The following PPM1B variants were observed in gnomAD, a reference collection of about 807,000 sequenced individuals.
The protein encoded by PPM1B is protein phosphatase 1B.
Under a neutral mutation model 43.0 loss-of-function variants are expected in PPM1B, and 22 were observed. That is an observed-to-expected ratio of 0.51 (90% CI 0.37 to 0.73). The LOEUF (loss-of-function observed/expected upper bound fraction) is 0.73. Ranked by LOEUF, PPM1B falls within the 30% of genes least tolerant of loss-of-function variation. The pLI, the probability that PPM1B is intolerant of heterozygous loss-of-function variation, is 0.00. For missense variants in PPM1B, 632 were observed against 584.2 expected, an observed-to-expected ratio of 1.08 and a Z score of -0.84; for synonymous variants, 217 against 197.9, an observed-to-expected ratio of 1.10 and a Z score of -0.81.
chr2:44,208,805 A>C (rs750571552), intron 2 of PPM1B, among the ~76,000 whole-genome samples: 5 of 152,228 alleles, frequency 3.3e-5, no homozygotes, highest in Non-Finnish European at 7.3e-5. Context: ...GAGTCGTAGC[A>C]TTGCTCTGAG....
downstream of PPM1B, chr2:44,234,466 C>G (rs1019568413): frequency 2.5e-5 from 20 of 801,850 alleles, no homozygotes; most frequent in Non-Finnish European, 3.0e-5. Context: ...TTGCAGTGAG[C>G]TAAGATCGCG....
intron 1 of PPM1B, among the ~76,000 whole-genome samples, chr2:44,171,851 A>G (rs1437203681): frequency 7.1e-6 from 1 of 141,288 alleles, no homozygotes; most frequent in Non-Finnish European, 1.6e-5. Context: ...AAAAAAAAAA[A>G]AGCTGTATTT....
At chr2:44,232,133 A>G (rs1670485792), downstream of PPM1B, among the ~76,000 whole-genome samples, 1 of 152,194 alleles carries the variant, frequency 6.6e-6, no homozygotes, top group South Asian at 2.1e-4. Flanking sequence ...CCAGTTATCT[A>G]TCCATATTAG....
chr2:44,179,847 A>C (rs1180317247), intron 1 of PPM1B, among the ~76,000 whole-genome samples: 1 of 151,992 alleles, frequency 6.6e-6, no homozygotes, highest in Non-Finnish European at 1.5e-5. Context: ...CGTCTCTACT[A>C]AATATACAAA....
chr2:44,226,823 C>G (rs537207192), intron 5 of PPM1B, among the ~76,000 whole-genome samples: 1 of 142,024 alleles, frequency 7.0e-6, no homozygotes, highest in Admixed American at 7.3e-5. Context: ...TGTGATATAC[C>G]GTAAAGTAGA....
chr2:44,222,784 A>G (rs1670033336), intron 5 of PPM1B, among the ~76,000 whole-genome samples: 1 of 152,192 alleles, frequency 6.6e-6, no homozygotes, highest in African/African-American at 2.4e-5. Flanking sequence ...ATGCAGGAAA[A>G]ATCATTTCCC....
At chr2:44,179,144 A>G (rs140099337) in intron 1 of PPM1B, among the ~76,000 whole-genome samples, 5 of 152,178 alleles carry the variant, frequency 3.3e-5, no homozygotes, top group African/African-American at 9.6e-5. Flanking sequence ...GAGCTTCCCT[A>G]CACAAGCTCT....
intron 1 of PPM1B, among the ~76,000 whole-genome samples, chr2:44,198,435 AC>A (rs1335865027): frequency 1.3e-5 from 2 of 152,234 alleles, no homozygotes. Flanking sequence ...TGTTGGGATT[AC>A]AGGCATGAGC....
chr2:44,212,721 G>A (rs6544748), intron 3 of PPM1B, among the ~76,000 whole-genome samples: 145,553 of 152,276 alleles, frequency 0.96, 69,636 homozygotes, highest in Middle Eastern at 1. Context: ...AAAAAATTCC[G>A]TTTAGTAGGC....
chr2:44,201,474 G>T lies in PPM1B; in HGVS notation c.275G>T (p.Gly92Val), dbSNP rs752101712. Residue 92 changes from glycine to valine, a missense_variant, in exon 2 of 6, where the codon GGA becomes GTA. By Grantham distance (109) the Gly-to-Val change is moderately radical. Around this residue, in one of 3 missense-constraint regions of PPM1B, gnomAD observed 200 missense variants for 200.7 expected, o/e 1.00. Transcript: ENST00000282412. This position sits in a 1 kb window ranked among gnomAD's most constrained non-coding sequence, Gnocchi z 5.4. The stretch of plus-strand genomic sequence containing the variant: ...GACTTTAGGGCAGCTGGAAAATCAG[G>T]ATCTGCTCTTGAGCTTTCAGTGGAA... Reference protein sequence around the residue: ...NEDFRAAGKSGSALELSVENV... With the variant: ...NEDFRAAGKSVSALELSVENV... 2 of 1,614,158 alleles carry T rather than the reference G, an allele frequency of 1.2e-6. No individual in the cohort carries two copies. Among genetic ancestry groups the T allele is most frequent in the Non-Finnish European group, 1.7e-6 (2 of 1,180,014 alleles).
At chr2:44,192,285 T>G (rs1668445531) in intron 1 of PPM1B, among the ~76,000 whole-genome samples, 1 of 152,130 alleles carries the variant, frequency 6.6e-6, no homozygotes, top group Non-Finnish European at 1.5e-5. Flanking sequence ...TGGCACGATC[T>G]CGGCTCACTG....
At chr2:44,244,862 GTGTGTGTGTGTATCTATGTGTATA>G (rs1478644910), downstream of PPM1B, among the ~76,000 whole-genome samples, 1 of 142,410 alleles carries the variant, frequency 7.0e-6, no homozygotes. Flanking sequence ...CATATATAGT[GTGTGTGTGTGTATCTATGTGTATA>G]TATATACATA....
At chr2:44,232,295 C>T, downstream of PPM1B, 1 of 1,601,518 alleles carries the variant, frequency 6.2e-7, no homozygotes, top group East Asian at 2.3e-5. Flanking sequence ...TAATAATATT[C>T]TTCCTTTTCT....
chr2:44,209,427 G>A, intron 3 of PPM1B, 100 bp downstream of exon 3: 1 of 1,255,470 alleles, frequency 8.0e-7, no homozygotes, highest in South Asian at 1.8e-5. Context: ...CCAAGGCTCT[G>A]TCTCAAAAAA....
intron 5 of PPM1B, 171 bp downstream of exon 5, chr2:44,218,708 G>T: frequency 1.7e-6 from 1 of 571,824 alleles, no homozygotes; most frequent in Non-Finnish European, 3.0e-6. Flanking sequence ...TTGAAATGAA[G>T]GTAGAGATAA....
At chr2:44,220,996 C>G (rs1052536312) in intron 5 of PPM1B, among the ~76,000 whole-genome samples, 4 of 152,124 alleles carry the variant, frequency 2.6e-5, no homozygotes, top group African/African-American at 4.8e-5. Context: ...GAGGTACTTG[C>G]TAAGAGACCA....
chr2:44,237,732 A>G (rs1572767087), downstream of PPM1B, among the ~76,000 whole-genome samples: 1 of 152,192 alleles, frequency 6.6e-6, no homozygotes. Context: ...ACATTCACCT[A>G]TAATGCATTT....
At chr2:44,242,592 AG>A (rs1316111275) in intron 5 of PPM1B, among the ~76,000 whole-genome samples, 1 of 152,232 alleles carries the variant, frequency 6.6e-6, no homozygotes, top group African/African-American at 2.4e-5. Context: ...ATACAAGAGT[AG>A]CTATGTTTTT....
chr2:44,190,268 C>T (rs184819071), intron 1 of PPM1B, among the ~76,000 whole-genome samples: 251 of 151,738 alleles, frequency 1.7e-3, no homozygotes, highest in African/African-American at 5.9e-3. Context: ...AAGTCTCCTG[C>T]CTCAGCCTCT....
Sources: allele counts gnomAD v4.1 joint callset (sites outside exome capture counted in the v4.1 genomes callset), GRCh38; gene constraint gnomAD v4.1.1; regional missense constraint gnomAD v4.1.1; non-coding constraint Gnocchi (gnomAD v3.1); transcripts MANE v1.5; gene names NCBI Gene and HGNC (gene_info 2026-07-23, HGNC 2026-07-21).